Variants in SGCD observed in about 807,000 individuals in gnomAD.
The protein encoded by SGCD is sarcoglycan delta.
Under a neutral mutation model 36.6 loss-of-function variants are expected in SGCD, and 18 were observed. That is an observed-to-expected ratio of 0.49 (90% CI 0.34 to 0.73). SGCD has a LOEUF of 0.73. SGCD is among the 30% of genes least tolerant of loss of function. The probability of loss-of-function intolerance (pLI) is 0.01; values close to 1 mark genes in which losing one functional copy is unlikely to be tolerated. For missense variants in SGCD, 387 were observed against 346.7 expected (o/e 1.12, Z -0.92); for synonymous variants, 133 against 130.6 (o/e 1.02, Z -0.12).
intron 3 of SGCD, among the ~76,000 whole-genome samples, chr5:156,413,314 GAGA>G (rs1772868534): frequency 6.6e-6 from 1 of 152,298 alleles, no homozygotes; most frequent in African/African-American, 2.4e-5. Context: ...TGCACGAGAT[GAGA>G]AGAAGATAGC....
chr5:156,585,489 A>G (rs1344828270), intron 4 of SGCD, among the ~76,000 whole-genome samples: 3 of 152,176 alleles, frequency 2.0e-5, no homozygotes, highest in Non-Finnish European at 4.4e-5. Context: ...GTGATATTCA[A>G]AGTTAGTGTT....
At chr5:156,081,738 G>C (rs1760958797) in intron 1 of SGCD, among the ~76,000 whole-genome samples, 1 of 152,064 alleles carries the variant, frequency 6.6e-6, no homozygotes, top group East Asian at 1.9e-4. Context: ...CTCTGTAAGG[G>C]CAAAGGGAAA....
At chr5:156,131,181 G>C (rs1561532326) in intron 3 of SGCD, among the ~76,000 whole-genome samples, 1 of 152,152 alleles carries the variant, frequency 6.6e-6, no homozygotes, top group Non-Finnish European at 1.5e-5. Flanking sequence ...ATAAATTCTA[G>C]AGCCAGAAAC....
chr5:156,213,326 A>G (rs1764495163), intron 3 of SGCD, among the ~76,000 whole-genome samples: 1 of 152,038 alleles, frequency 6.6e-6, no homozygotes, highest in African/African-American at 2.4e-5. Context: ...ATAGCATGTG[A>G]CTGCTGTGAA....
chr5:156,702,956 A>C (rs1400400981), intron 7 of SGCD, among the ~76,000 whole-genome samples: 1 of 152,200 alleles, frequency 6.6e-6, no homozygotes, highest in Non-Finnish European at 1.5e-5. Flanking sequence ...GTTACTGCCC[A>C]TTAAAAAAGA....
chr5:156,219,170 TG>T (rs1764655272), intron 3 of SGCD, among the ~76,000 whole-genome samples: 1 of 152,216 alleles, frequency 6.6e-6, no homozygotes, highest in South Asian at 2.1e-4. Context: ...TTTGCAACCT[TG>T]CGAAACTCAT....
At chr5:156,673,282 C>T (rs531715803) in intron 7 of SGCD, among the ~76,000 whole-genome samples, 3 of 152,262 alleles carry the variant, frequency 2.0e-5, no homozygotes, top group South Asian at 4.2e-4. Flanking sequence ...ATATCATTTC[C>T]GAAAGAGAAT....
intron 3 of SGCD, among the ~76,000 whole-genome samples, chr5:156,423,913 T>C (rs888581519): frequency 6.6e-6 from 1 of 151,976 alleles, no homozygotes; most frequent in African/African-American, 2.4e-5. Flanking sequence ...TGATGGCCAA[T>C]ACAACTATTA....
At chr5:155,783,589 A>T in the SGCD span, among the ~76,000 whole-genome samples, 11 of 151,686 alleles carry the variant, frequency 7.3e-5, no homozygotes, top group African/African-American at 2.4e-4. Context: ...AGTATTCTGT[A>T]TTTGTCATAG....
At chr5:155,911,309 G>GTT in intron 1 of SGCD, among the ~76,000 whole-genome samples, 1 of 105,898 alleles carries the variant, frequency 9.4e-6, no homozygotes, top group African/African-American at 3.5e-5. Context: ...GTGTGTGTGT[G>GTT]TGTGTGTGTG....
chr5:156,564,541 T>C (rs1263389121), intron 4 of SGCD, among the ~76,000 whole-genome samples: 2 of 152,210 alleles, frequency 1.3e-5, no homozygotes, highest in Non-Finnish European at 2.9e-5. Context: ...AAGTATGTAG[T>C]TGAGTGGCAT....
chr5:155,992,980 A>T (rs1388740019), intron 1 of SGCD, among the ~76,000 whole-genome samples: 1 of 151,506 alleles, frequency 6.6e-6, no homozygotes, highest in Non-Finnish European at 1.5e-5. Flanking sequence ...GTGGGCTCTT[A>T]TACTCCAGAC....
chr5:156,535,588 T>C (rs577989646), intron 4 of SGCD, among the ~76,000 whole-genome samples: 1 of 152,334 alleles, frequency 6.6e-6, no homozygotes, highest in South Asian at 2.1e-4. Context: ...TTTTCATGTA[T>C]CCAGAAGTAT....
intron 1 of SGCD, among the ~76,000 whole-genome samples, chr5:155,915,374 G>A (rs181005517): frequency 8.6e-4 from 131 of 152,158 alleles, no homozygotes; most frequent in African/African-American, 2.7e-3. Context: ...CATTGAAAAC[G>A]CATGGTTTAA....
chr5:156,223,904 A>C (rs1236547582), intron 3 of SGCD, among the ~76,000 whole-genome samples: 1 of 152,052 alleles, frequency 6.6e-6, no homozygotes, highest in Non-Finnish European at 1.5e-5. Flanking sequence ...CATATGTGAT[A>C]AGGTATGCAA....
chr5:155,935,758 C>T (rs1757180244), intron 1 of SGCD, among the ~76,000 whole-genome samples: 1 of 152,220 alleles, frequency 6.6e-6, no homozygotes, highest in African/African-American at 2.4e-5. Context: ...GCCAGTGGTG[C>T]TTTTGCATGA....
chr5:155,896,830 C>T (rs1756273899), intron 1 of SGCD, among the ~76,000 whole-genome samples: 1 of 152,158 alleles, frequency 6.6e-6, no homozygotes, highest in Non-Finnish European at 1.5e-5. Context: ...ACACATCACA[C>T]AAATTTATGT....
At chr5:155,900,430 T>A (rs906673465) in intron 1 of SGCD, among the ~76,000 whole-genome samples, 81 of 152,206 alleles carry the variant, frequency 5.3e-4, no homozygotes, top group African/African-American at 1.4e-3. Context: ...TTTTTTTTAT[T>A]ATTATTATTA....
At chr5:156,091,294 C>T (rs1037071497) in intron 1 of SGCD, among the ~76,000 whole-genome samples, 32 of 152,174 alleles carry the variant, frequency 2.1e-4, no homozygotes, top group African/African-American at 6.8e-4. Context: ...GTTCTTCTGC[C>T]GTGGCTTCAG....
Sources: allele counts gnomAD v4.1 joint callset (sites outside exome capture counted in the v4.1 genomes callset), GRCh38; gene constraint gnomAD v4.1.1; transcripts MANE v1.5; gene names NCBI Gene and HGNC (gene_info 2026-07-23, HGNC 2026-07-21).